ASCC3: variants seen among roughly 807,000 people sequenced by gnomAD.
The protein encoded by ASCC3 is activating signal cointegrator 1 complex subunit 3.
ASCC3 carries 158 observed loss-of-function variants against 256.3 expected under a neutral mutation model. The ratio of observed to expected loss-of-function variants is 0.62; its 90% CI spans 0.54 to 0.70. The LOEUF (loss-of-function observed/expected upper bound fraction) is 0.70, where lower values mean the gene tolerates loss of function less well. ASCC3 is among the 30% of genes least tolerant of loss of function. The pLI is 0.00. For missense variants in ASCC3, 2,259 were observed against 2,626.0 expected (o/e 0.86, Z 3.05); for synonymous variants, 948 against 883.4 (o/e 1.07, Z -1.30).
chr6:100,650,459 A>G, intron 20 of ASCC3, 79 bp downstream of exon 20: 1 of 1,437,740 alleles, frequency 7.0e-7, no homozygotes, highest in Non-Finnish European at 9.8e-7. Flanking sequence ...CAATGCATTC[A>G]TAGCACAGCA....
chr6:100,600,488 T>C (rs567810693), intron 34 of ASCC3, among the ~76,000 whole-genome samples: 2 of 152,250 alleles, frequency 1.3e-5, no homozygotes, highest in South Asian at 4.1e-4. Context: ...TCTCAAATAA[T>C]ATTTAGTACC....
At chr6:100,665,941 TA>T (rs1034223176) in intron 14 of ASCC3, among the ~76,000 whole-genome samples, 1 of 152,020 alleles carries the variant, frequency 6.6e-6, no homozygotes, top group Admixed American at 6.6e-5. Context: ...TTCTCCACCT[TA>T]AAAAAACCCC....
chr6:100,859,299 C>A lies in ASCC3; in HGVS notation c.241+4765G>T, dbSNP rs912542813. 12 of 772,856 alleles carry A rather than the reference C, an allele frequency of 1.6e-5. No individual in the cohort carries two copies. The African/African-American group carries it at 2.0e-4, about 13-fold the overall frequency. The allele number at this position is 772,856 out of a possible 1,614,324, so 47.9% of individuals were successfully genotyped here. ...AAAATCTTCACTGCTTTGATAACTT[C>A]TCTGATATAGTCAAACAAATTTTGT... On this transcript the variant is annotated intron_variant, in intron 3 of 41. Coordinates refer to ENST00000369162, the MANE Select transcript of ASCC3 (RefSeq NM_006828.4).
At chr6:100,795,479 G>T (rs1769566354) in intron 8 of ASCC3, among the ~76,000 whole-genome samples, 1 of 152,090 alleles carries the variant, frequency 6.6e-6, no homozygotes, top group Non-Finnish European at 1.5e-5. Flanking sequence ...CACATAGGCA[G>T]CTTTACTTCT....
rs1212720631 is a variant in ASCC3 at position 100,661,859 on chromosome 6, T to C, written c.2650A>G (p.Asn884Asp). The change falls in exon 16 of 42, where the codon AAC becomes GAC. Residue 884 changes from asparagine to aspartate, a missense_variant. Transcript: ENST00000369162. ...TCCAGAAACTGACTCTCAATTGGGTTTCGTTGAGTGAGCAAAGTGAGGTAA... is the reference window on the plus strand; with the variant it reads ...TCCAGAAACTGACTCTCAATTGGGTCTCGTTGAGTGAGCAAAGTGAGGTAA... Reference protein sequence around the residue: ...SHYLTLLTQRNPIESQFLESL... With the variant: ...SHYLTLLTQRDPIESQFLESL... 1.2e-6 allele frequency: 2 copies of C among 1,613,362 alleles called. No individual in the cohort carries two copies. Among genetic ancestry groups the C allele is most frequent in the East Asian group, 4.5e-5 (2 of 44,852 alleles).
At chr6:100,574,424 C>T (rs1180286117) in intron 36 of ASCC3, among the ~76,000 whole-genome samples, 1 of 152,006 alleles carries the variant, frequency 6.6e-6, no homozygotes, top group Non-Finnish European at 1.5e-5. Context: ...ACTGTCTTTT[C>T]CCTGTTGGGA....
At chr6:100,680,573 C>T (rs1213096946) in intron 13 of ASCC3, among the ~76,000 whole-genome samples, 1 of 152,162 alleles carries the variant, frequency 6.6e-6, no homozygotes, top group African/African-American at 2.4e-5. Context: ...GACTACTGCT[C>T]TTTTTCAATT....
At chr6:100,547,680 CA>C (rs1290130087) in intron 36 of ASCC3, among the ~76,000 whole-genome samples, 3 of 151,978 alleles carry the variant, frequency 2.0e-5, no homozygotes, top group African/African-American at 7.2e-5. Context: ...AAATTTCATG[CA>C]TAGCTGGTGG....
chr6:100,876,985 G>A (rs1051513673), intron 1 of ASCC3, among the ~76,000 whole-genome samples: 12 of 152,122 alleles, frequency 7.9e-5, no homozygotes, highest in African/African-American at 2.9e-4. Flanking sequence ...AATAATCAGT[G>A]AGCTAGAATT....
At chr6:100,749,887 C>G (rs1426604780) in intron 10 of ASCC3, among the ~76,000 whole-genome samples, 1 of 151,358 alleles carries the variant, frequency 6.6e-6, no homozygotes, top group Non-Finnish European at 1.5e-5. Context: ...AATAATTTTA[C>G]ATATAAAATT....
At chr6:100,852,134 CCACT>C (rs1328302721) in intron 3 of ASCC3, among the ~76,000 whole-genome samples, 2 of 152,100 alleles carry the variant, frequency 1.3e-5, no homozygotes, top group African/African-American at 2.4e-5. Flanking sequence ...CTGGTACAGC[CCACT>C]CAGTGTTTTT....
chr6:100,653,335 T>C (rs1184188917), intron 17 of ASCC3, among the ~76,000 whole-genome samples: 1 of 152,008 alleles, frequency 6.6e-6, no homozygotes, highest in East Asian at 1.9e-4. Flanking sequence ...AATCAAGATA[T>C]ATTTAGAACT....
At chr6:100,665,970 T>C (rs754537752) in intron 14 of ASCC3, among the ~76,000 whole-genome samples, 17 of 152,132 alleles carry the variant, frequency 1.1e-4, no homozygotes, top group Non-Finnish European at 2.2e-4. Context: ...TATTTCTTTA[T>C]AGTTAAACTC....
chr6:100,620,368 T>A (rs984724319), intron 30 of ASCC3, among the ~76,000 whole-genome samples: 2 of 152,204 alleles, frequency 1.3e-5, no homozygotes, highest in Non-Finnish European at 2.9e-5. Flanking sequence ...GGTTTCCTGA[T>A]GCAGTATAAC....
At chr6:100,794,000 C>T (rs1769480201) in intron 8 of ASCC3, among the ~76,000 whole-genome samples, 1 of 152,004 alleles carries the variant, frequency 6.6e-6, no homozygotes, top group Admixed American at 6.6e-5. Context: ...CTGCCTCATC[C>T]CCTCCTATTT....
chr6:100,635,197 G>A (rs942738550), intron 25 of ASCC3, among the ~76,000 whole-genome samples: 1 of 151,584 alleles, frequency 6.6e-6, no homozygotes, highest in South Asian at 2.1e-4. Flanking sequence ...ATATGTGTGT[G>A]TGTATATATA....
At chr6:100,851,946 C>A (rs1285207010) in intron 3 of ASCC3, among the ~76,000 whole-genome samples, 2 of 152,140 alleles carry the variant, frequency 1.3e-5, no homozygotes, top group East Asian at 3.9e-4. Context: ...GGGCAACCAC[C>A]CCGGCTTGTC....
intron 3 of ASCC3, chr6:100,856,491 T>C: frequency 1.2e-6 from 1 of 860,228 alleles, no homozygotes. Context: ...ATTCTTTTTA[T>C]TGAATATAAC....
chr6:100,760,205 G>C (rs973402117), intron 10 of ASCC3, among the ~76,000 whole-genome samples: 4 of 152,130 alleles, frequency 2.6e-5, no homozygotes, highest in Non-Finnish European at 4.4e-5. Context: ...GGAGTGGTGA[G>C]AGAGGGCATC....
Sources: allele counts gnomAD v4.1 joint callset (sites outside exome capture counted in the v4.1 genomes callset), GRCh38; gene constraint gnomAD v4.1.1; transcripts MANE v1.5; gene names NCBI Gene and HGNC (gene_info 2026-07-23, HGNC 2026-07-21).